Variants in SLC24A3 observed in about 807,000 individuals in gnomAD.
The protein encoded by SLC24A3 is solute carrier family 24 member 3.
In SLC24A3, 28 loss-of-function variants were observed where a neutral mutation model predicts 75.8. The observed-to-expected ratio is 0.37, with a 90% CI of 0.27 to 0.51. The LOEUF (loss-of-function observed/expected upper bound fraction) is 0.51, where lower values mean the gene tolerates loss of function less well. SLC24A3 is among the 20% of genes least tolerant of loss of function. The probability of loss-of-function intolerance (pLI) is 0.94; values close to 1 mark genes in which losing one functional copy is unlikely to be tolerated. For synonymous variants in SLC24A3, 372 were observed against 334.1 expected (o/e 1.11, Z -1.24); for missense variants, 663 against 847.8 (o/e 0.78, Z 2.71).
At chr20:19,349,115 G>T (rs1280767562) in intron 2 of SLC24A3, among the ~76,000 whole-genome samples, 1 of 152,152 alleles carries the variant, frequency 6.6e-6, no homozygotes, top group Non-Finnish European at 1.5e-5. Context: ...TTGGTAAATT[G>T]TAAGATGCTT....
chr20:19,662,597 C>T (rs73118110), intron 7 of SLC24A3, among the ~76,000 whole-genome samples: 9 of 152,360 alleles, frequency 5.9e-5, no homozygotes, highest in Admixed American at 3.3e-4. Context: ...TGGTCATTTG[C>T]AGGAACTGCG....
intron 6 of SLC24A3, among the ~76,000 whole-genome samples, chr20:19,647,509 G>A (rs185579718): frequency 7.3e-4 from 111 of 152,318 alleles, no homozygotes; most frequent in African/African-American, 2.6e-3. Flanking sequence ...TACCCAGAGT[G>A]GGCGAAGGGA....
At chr20:19,701,867 A>C (rs1009888610) in intron 15 of SLC24A3, among the ~76,000 whole-genome samples, 3 of 152,250 alleles carry the variant, frequency 2.0e-5, no homozygotes, top group East Asian at 3.8e-4. Context: ...TGAAGAATTC[A>C]TCCCTGAATA....
chr20:19,662,091 A>G (rs1353243100), intron 7 of SLC24A3, among the ~76,000 whole-genome samples: 4 of 152,024 alleles, frequency 2.6e-5, no homozygotes, highest in Non-Finnish European at 4.4e-5. Context: ...AGCCAAGGGT[A>G]TCTTTGGATG....
At chr20:19,423,422 T>C (rs1220282337) in intron 2 of SLC24A3, among the ~76,000 whole-genome samples, 1 of 152,202 alleles carries the variant, frequency 6.6e-6, no homozygotes, top group Non-Finnish European at 1.5e-5. Flanking sequence ...AAAGAAAATG[T>C]AGCTAGGCCA....
At chr20:19,279,227 G>A (rs1254325609) in intron 1 of SLC24A3, among the ~76,000 whole-genome samples, 1 of 152,258 alleles carries the variant, frequency 6.6e-6, no homozygotes, top group Non-Finnish European at 1.5e-5. Flanking sequence ...GTGGCTGGGT[G>A]CACCATGTGG....
intron 2 of SLC24A3, among the ~76,000 whole-genome samples, chr20:19,357,487 T>A (rs1280713274): frequency 6.6e-6 from 1 of 152,232 alleles, no homozygotes; most frequent in African/African-American, 2.4e-5. Flanking sequence ...TTTTTCTTAT[T>A]AACTGTAAGA....
intron 1 of SLC24A3, among the ~76,000 whole-genome samples, chr20:19,272,977 T>TC: frequency 6.6e-6 from 1 of 152,228 alleles, no homozygotes; most frequent in South Asian, 2.1e-4. Context: ...AGGAAGGGCT[T>TC]CCCTCTAGAA....
At chr20:19,302,580 T>C (rs1170286093) in intron 2 of SLC24A3, among the ~76,000 whole-genome samples, 1 of 152,262 alleles carries the variant, frequency 6.6e-6, no homozygotes, top group East Asian at 1.9e-4. Flanking sequence ...TCAGGTCTTC[T>C]ACTCCAGAAG....
intron 2 of SLC24A3, among the ~76,000 whole-genome samples, chr20:19,481,110 C>G (rs535218070): frequency 2.0e-5 from 3 of 152,166 alleles, no homozygotes; most frequent in South Asian, 4.2e-4. Flanking sequence ...ACTTGGGAAC[C>G]AAATAGTAAT....
At chr20:19,498,434 C>T (rs1988329631) in intron 2 of SLC24A3, among the ~76,000 whole-genome samples, 2 of 151,782 alleles carry the variant, frequency 1.3e-5, no homozygotes, top group South Asian at 4.2e-4. Flanking sequence ...ATGGCTGTGC[C>T]CCTCCCCCAC....
At chr20:19,269,258 G>A (rs2122207654) in intron 1 of SLC24A3, among the ~76,000 whole-genome samples, 1 of 152,346 alleles carries the variant, frequency 6.6e-6, no homozygotes, top group East Asian at 1.9e-4. Context: ...CTTTTGGACT[G>A]CACAGACCTA....
chr20:19,464,912 T>C (rs1178968084), intron 2 of SLC24A3, among the ~76,000 whole-genome samples: 3 of 152,252 alleles, frequency 2.0e-5, no homozygotes, highest in Non-Finnish European at 2.9e-5. Context: ...GGCAGGATAC[T>C]GCAGGCTGAC....
intron 2 of SLC24A3, among the ~76,000 whole-genome samples, chr20:19,287,774 A>G (rs890603132): frequency 6.6e-6 from 1 of 152,246 alleles, no homozygotes; most frequent in Non-Finnish European, 1.5e-5. Context: ...ATGCTTTTGT[A>G]TAGATGAAGT....
intron 1 of SLC24A3, among the ~76,000 whole-genome samples, chr20:19,251,907 A>G (rs1039671409): frequency 4.6e-5 from 7 of 152,142 alleles, no homozygotes; most frequent in Admixed American, 2.6e-4. Flanking sequence ...CTGTTGGGTA[A>G]CTTTCTCTGA....
chr20:19,540,643 C>G (rs1476207637), intron 3 of SLC24A3, among the ~76,000 whole-genome samples: 1 of 152,230 alleles, frequency 6.6e-6, no homozygotes, highest in Non-Finnish European at 1.5e-5. Flanking sequence ...GTGGTTAGTA[C>G]TGCATGAAGC....
intron 2 of SLC24A3, among the ~76,000 whole-genome samples, chr20:19,371,742 G>C (rs998054200): frequency 1.3e-5 from 2 of 152,156 alleles, no homozygotes; most frequent in African/African-American, 4.8e-5. Flanking sequence ...GGACCACCTG[G>C]CCATGTGAAG....
chr20:19,685,092 C>G lies in SLC24A3; in HGVS notation c.1063-8C>G. The G allele has an allele frequency of 1.3e-6, 2 of 1,596,382 alleles. No homozygotes were observed. The highest frequency in any genetic ancestry group is 1.7e-6 in the Non-Finnish European group (2 of 1,168,268). The stretch of plus-strand genomic sequence containing the variant: ...GACCGTGGTAAGAGTGCGCCTTTCT[C>G]TTTCCAGAGACAAAGATTGATAAAC... On this transcript the variant is annotated splice_region_variant and splice_polypyrimidine_tract_variant and intron_variant, in intron 11 of 16. Coordinates refer to ENST00000328041, the MANE Select transcript of SLC24A3 (RefSeq NM_020689.4).
intron 2 of SLC24A3, among the ~76,000 whole-genome samples, chr20:19,418,703 T>TA (rs1463518514): frequency 6.6e-6 from 1 of 151,598 alleles, no homozygotes; most frequent in African/African-American, 2.4e-5. Context: ...AATAATATAA[T>TA]AAACATCACT....
Sources: allele counts gnomAD v4.1 joint callset (sites outside exome capture counted in the v4.1 genomes callset), GRCh38; gene constraint gnomAD v4.1.1; transcripts MANE v1.5; gene names NCBI Gene and HGNC (gene_info 2026-07-23, HGNC 2026-07-21).